MCTP1: variants seen among roughly 807,000 people sequenced by gnomAD.
MCTP1 encodes the protein multiple C2 and transmembrane domain-containing protein 1.
Under a neutral mutation model 120.6 loss-of-function variants are expected in MCTP1, and 69 were observed. The ratio of observed to expected loss-of-function variants is 0.57; its 90% confidence interval spans 0.47 to 0.70. MCTP1 has a LOEUF of 0.70. MCTP1 is among the 30% of genes least tolerant of loss of function. The pLI, the probability that MCTP1 is intolerant of heterozygous loss-of-function variation, is 0.00. For missense variants in MCTP1, 1,203 were observed against 1,248.8 expected, an observed-to-expected ratio of 0.96 and a Z score of 0.55; for synonymous variants, 529 against 493.1, an observed-to-expected ratio of 1.07 and a Z score of -0.96.
At position 95,022,140 on chromosome 5, in the gene MCTP1, T is replaced by C. The variant is rs184059324; in HGVS notation, c.721-4656A>G. 2.4e-4 allele frequency among the ~76,000 whole-genome samples: 36 copies of C among 152,298 alleles called. 1 individual carries two copies. Among genetic ancestry groups the C allele is most frequent in the Admixed American group, 2.3e-3 (35 of 15,284 alleles). ...TCTATCATATGTCAGCATACTTGAG[T>C]ATACCCGTACTTCTTAGGAAGGCAC... On this transcript the variant is annotated intron_variant, in intron 1 of 22. Transcript: ENST00000515393.
intron 1 of MCTP1, among the ~76,000 whole-genome samples, chr5:95,043,238 G>A (rs1261272467): frequency 2.0e-5 from 3 of 152,070 alleles, no homozygotes; most frequent in African/African-American, 7.2e-5. Context: ...TTTATTATTT[G>A]CATTTCTAAA....
At chr5:95,111,925 C>CT (rs1234031757) in intron 1 of MCTP1, among the ~76,000 whole-genome samples, 1 of 152,066 alleles carries the variant, frequency 6.6e-6, no homozygotes, top group Admixed American at 6.5e-5. Context: ...CTATTCATAC[C>CT]TTGTTGATGT....
At chr5:95,084,113 G>A (rs1446900350) in intron 1 of MCTP1, among the ~76,000 whole-genome samples, 2 of 152,130 alleles carry the variant, frequency 1.3e-5, no homozygotes, top group African/African-American at 4.8e-5. Flanking sequence ...AAAGGGATCT[G>A]AAGGAAGTGA....
chr5:94,818,821 T>C (rs901744415), intron 17 of MCTP1, among the ~76,000 whole-genome samples: 2 of 152,332 alleles, frequency 1.3e-5, no homozygotes, highest in East Asian at 1.9e-4. Context: ...ACGGAATGAC[T>C]GGATAAAATT....
In MCTP1 at chr5:94,706,043, A is replaced by G. The variant is rs1017331382; in HGVS notation, c.*1453T>C. 2 of 151,796 alleles carry G rather than the reference A, an allele frequency of 1.3e-5. No individual in the cohort carries two copies. The highest frequency in any genetic ancestry group is 6.6e-5 in the Admixed American group (1 of 15,202). The allele number at this position is 151,796 out of a possible 1,614,324, so 9.4% of individuals were successfully genotyped here. ...AAAAATACTTTAAAAATCAGCTTCA[A>G]TGAGATTACATTTATTGTTAAAGAA... is the stretch of plus-strand genomic sequence containing the variant. On this transcript the variant is annotated 3_prime_UTR_variant, in exon 23 of 23. Coordinates refer to ENST00000515393, the MANE Select transcript of MCTP1 (RefSeq NM_024717.7).
intron 10 of MCTP1, among the ~76,000 whole-genome samples, chr5:94,902,005 T>C (rs1805672573): frequency 6.6e-6 from 1 of 152,206 alleles, no homozygotes; most frequent in Admixed American, 6.5e-5. Context: ...AGGAGCTTCA[T>C]GGCTAACACG....
intron 2 of MCTP1, among the ~76,000 whole-genome samples, chr5:95,007,968 C>T (rs1835098600): frequency 6.6e-6 from 1 of 152,098 alleles, no homozygotes; most frequent in Admixed American, 6.6e-5. Context: ...TCACAATAAA[C>T]AGGTTCATTT....
At chr5:94,732,646 T>G (rs1252659474) in intron 19 of MCTP1, among the ~76,000 whole-genome samples, 1 of 152,200 alleles carries the variant, frequency 6.6e-6, no homozygotes, top group Non-Finnish European at 1.5e-5. Context: ...GGGAGGTGAT[T>G]ACATCATGAG....
At chr5:94,850,427 T>G (rs943523190) in intron 17 of MCTP1, among the ~76,000 whole-genome samples, 31 of 152,130 alleles carry the variant, frequency 2.0e-4, no homozygotes, top group African/African-American at 6.3e-4. Flanking sequence ...AGCGAGTAAA[T>G]GGAGAGCTTC....
At chr5:94,778,239 A>T (rs1561619933) in intron 19 of MCTP1, among the ~76,000 whole-genome samples, 1 of 152,084 alleles carries the variant, frequency 6.6e-6, no homozygotes, top group Non-Finnish European at 1.5e-5. Flanking sequence ...TGGTGAAGGT[A>T]AAAAAATCTG....
intron 1 of MCTP1, among the ~76,000 whole-genome samples, chr5:95,275,993 A>G (rs1391522049): frequency 6.6e-6 from 1 of 152,212 alleles, no homozygotes; most frequent in East Asian, 1.9e-4. Context: ...ACAATGAACC[A>G]TGCTCAGTGA....
chr5:94,850,671 A>G (rs1238429945), intron 17 of MCTP1, among the ~76,000 whole-genome samples: 1 of 152,048 alleles, frequency 6.6e-6, no homozygotes, highest in African/African-American at 2.4e-5. Context: ...TTCCCTCTTT[A>G]TCTTTTGAAG....
chr5:95,002,574 T>C (rs540730572), intron 2 of MCTP1, among the ~76,000 whole-genome samples: 1 of 152,312 alleles, frequency 6.6e-6, no homozygotes, highest in South Asian at 2.1e-4. Context: ...GACTGCCCTA[T>C]TGGATTTTGG....
rs1036325035 is a variant in MCTP1, at chr5:94,799,100, G to A, written c.2469C>T (p.Leu823=). 5 of 1,612,074 alleles carry A rather than the reference G, an allele frequency of 3.1e-6. No individual in the cohort carries two copies. The highest frequency in any genetic ancestry group is 4.2e-6 in the Non-Finnish European group (5 of 1,178,678). Residue 823 remains leucine, a synonymous_variant, in exon 18 of 23, where the codon CTC becomes CTT. Transcript: ENST00000515393. ...LFLFVVWNFE[L]YMIPLVLLLL... ...ACAACAAAACCAGTGGTATCATGTA[G>A]AGCTCAAAGTTCCAGACAACAAAGA...
intron 2 of MCTP1, among the ~76,000 whole-genome samples, chr5:94,985,078 T>A (rs1830214083): frequency 6.6e-6 from 1 of 152,116 alleles, no homozygotes; most frequent in South Asian, 2.1e-4. Flanking sequence ...TACTTATAAA[T>A]CTCCAAGTCC....
intron 18 of MCTP1, chr5:94,793,585 TG>T (rs1443984028): frequency 1.3e-5 from 2 of 152,262 alleles, no homozygotes; most frequent in Non-Finnish European, 2.9e-5. Context: ...TTGTGGTCTA[TG>T]CTGCTTTCAG....
At chr5:95,150,820 T>C (rs921903962) in intron 1 of MCTP1, among the ~76,000 whole-genome samples, 2 of 152,122 alleles carry the variant, frequency 1.3e-5, no homozygotes, top group Admixed American at 6.5e-5. Context: ...AGTCCACAGT[T>C]GAAAATCCAC....
intron 2 of MCTP1, among the ~76,000 whole-genome samples, chr5:94,956,963 G>A (rs529923808): frequency 7.9e-5 from 12 of 152,230 alleles, no homozygotes; most frequent in Admixed American, 2.6e-4. Flanking sequence ...ACACATAATC[G>A]TCAGATTCAC....
At chr5:94,881,446 T>C (rs1345666394) in intron 12 of MCTP1, among the ~76,000 whole-genome samples, 1 of 152,170 alleles carries the variant, frequency 6.6e-6, no homozygotes, top group African/African-American at 2.4e-5. Context: ...TAACCCTCCT[T>C]GCTAGCTCTT....
Sources: allele counts gnomAD v4.1 joint callset (sites outside exome capture counted in the v4.1 genomes callset), GRCh38; gene constraint gnomAD v4.1.1; transcripts MANE v1.5; gene names NCBI Gene and HGNC (gene_info 2026-07-23, HGNC 2026-07-21).